The following TBX5 variants were observed in gnomAD, a reference collection of about 807,000 sequenced individuals.
TBX5 encodes T-box transcription factor TBX5.
A neutral mutation model predicts 51.1 loss-of-function variants in TBX5; 8 were observed. The ratio of observed to expected loss-of-function variants is 0.16; its 90% CI spans 0.09 to 0.28. The LOEUF (loss-of-function observed/expected upper bound fraction) is 0.28. TBX5 is among the 10% of genes least tolerant of loss of function. TBX5 has a pLI of 1.00. For synonymous variants in TBX5, 302 were observed against 266.4 expected (o/e 1.13, Z -1.30); for missense variants, 589 against 671.7 (o/e 0.88, Z 1.36).
chr12:114,405,618 G>C lies in TBX5; in HGVS notation c.-39+10C>G, dbSNP rs1165431383. The C allele has an allele frequency of 1.2e-6, 1 of 865,628 alleles. No homozygotes were observed. Among genetic ancestry groups the C allele is most frequent in the Admixed American group, 6.2e-5 (1 of 16,112 alleles). 53.6% of individuals were successfully genotyped at this position (865,628 alleles called of 1,614,324 possible). On this transcript the variant is annotated intron_variant, in intron 1 of 8. Transcript: ENST00000405440. ...CCTGAGCCTCCCGGGCCATCTGCCG[G>C]GACGGTTACCTCGTTCGGTGAAGCC...
chr12:114,362,802 A>T (rs1241274594), intron 8 of TBX5, among the ~76,000 whole-genome samples: 1 of 152,016 alleles, frequency 6.6e-6, no homozygotes, highest in Non-Finnish European at 1.5e-5. Flanking sequence ...GTTGGCTAGG[A>T]CCACTGGCAT....
At chr12:114,376,992 G>A (rs1391291383) in intron 7 of TBX5, among the ~76,000 whole-genome samples, 1 of 152,062 alleles carries the variant, frequency 6.6e-6, no homozygotes, top group East Asian at 1.9e-4. Flanking sequence ...CATGACCCAA[G>A]ATGAGATCCT....
At chr12:114,359,268 T>C (rs914705211) in intron 8 of TBX5, among the ~76,000 whole-genome samples, 5 of 152,188 alleles carry the variant, frequency 3.3e-5, no homozygotes, top group Non-Finnish European at 7.3e-5. Flanking sequence ...CATCACATTG[T>C]AAAGAAATTC....
chr12:114,405,453 C>T (rs917461100), intron 1 of TBX5, among the ~76,000 whole-genome samples, 175 bp downstream of exon 1: 21 of 152,178 alleles, frequency 1.4e-4, no homozygotes, highest in African/African-American at 5.1e-4. Flanking sequence ...GCTCCGCCAG[C>T]CGCGGCGGCC....
intron 7 of TBX5, among the ~76,000 whole-genome samples, chr12:114,380,244 C>T (rs1870430916): frequency 6.6e-6 from 1 of 152,154 alleles, no homozygotes; most frequent in Non-Finnish European, 1.5e-5. Flanking sequence ...AAGACTGAAG[C>T]AAAGTCCAAA....
chr12:114,401,689 C>G, intron 3 of TBX5, 137 bp downstream of exon 3: 3 of 770,384 alleles, frequency 3.9e-6, no homozygotes, highest in Non-Finnish European at 4.5e-6. Context: ...CTCTCCTCTC[C>G]TCTCCTTTCT....
At chr12:114,358,347 T>C (rs1012534058) in intron 8 of TBX5, among the ~76,000 whole-genome samples, 5 of 152,214 alleles carry the variant, frequency 3.3e-5, no homozygotes, top group Non-Finnish European at 7.3e-5. Context: ...ACTCTGTGAC[T>C]GAGAGGTGGT....
At position 114,354,728 on chromosome 12, in the gene TBX5, A is replaced by C. The variant is rs1868775593; in HGVS notation, c.*804T>G. On this transcript the variant is annotated 3_prime_UTR_variant, in exon 9 of 9. Coordinates refer to ENST00000405440, the MANE Select transcript of TBX5 (RefSeq NM_181486.4). ...TTCAAAGCAAGCTTTCCGGAAGGGA[A>C]GCTATAGGCCACGTTTTAGCGACAG... The C allele has an allele frequency of 6.5e-6, 1 of 152,714 alleles. No individual in the cohort carries two copies. Among genetic ancestry groups the C allele is most frequent in the African/African-American group, 2.4e-5 (1 of 41,414 alleles). 9.5% of individuals were successfully genotyped at this position (152,714 alleles called of 1,614,324 possible).
At chr12:114,361,100 T>C (rs1869216411) in intron 8 of TBX5, among the ~76,000 whole-genome samples, 1 of 152,114 alleles carries the variant, frequency 6.6e-6, no homozygotes, top group African/African-American at 2.4e-5. Context: ...TAAAGATTAA[T>C]CTGATGCATC....
upstream of TBX5, among the ~76,000 whole-genome samples, chr12:114,406,382 A>T (rs1872225234): frequency 6.6e-6 from 1 of 152,054 alleles, no homozygotes. Flanking sequence ...ACTCCTGCAC[A>T]AATCATTTCA....
chr12:114,356,052 G>A lies in TBX5; in HGVS notation c.1037C>T (p.Ser346Leu). 1 of 1,614,004 alleles carries A rather than the reference G, an allele frequency of 6.2e-7. No individual in the cohort carries two copies. Among genetic ancestry groups the A allele is most frequent in the East Asian group, 2.2e-5 (1 of 44,874 alleles). The part of the protein sequence containing the change: ...HPYKKPYMET[S>L]PSEEDSFYRS... ...GTAGAAGGAATCTTCTTCACTGGGTGATGTCTCCATGTAGGGCTTCTTATA... is the reference window on the plus strand; with the variant it reads ...GTAGAAGGAATCTTCTTCACTGGGTAATGTCTCCATGTAGGGCTTCTTATA... The change falls in exon 9 of 9, where the codon TCA becomes TTA. Residue 346 changes from serine to leucine, a missense_variant. By Grantham distance (145) the Ser-to-Leu change is moderately radical (BLOSUM62 -2). Coordinates refer to ENST00000405440, the MANE Select transcript of TBX5 (RefSeq NM_181486.4).
At chr12:114,363,430 A>T (rs1368268265) in intron 8 of TBX5, among the ~76,000 whole-genome samples, 1 of 152,212 alleles carries the variant, frequency 6.6e-6, no homozygotes, top group Admixed American at 6.5e-5. Context: ...ATTTATAAGG[A>T]TGCTGCTGTA....
At chr12:114,364,613 G>A (rs1252647389) in intron 8 of TBX5, among the ~76,000 whole-genome samples, 2 of 152,110 alleles carry the variant, frequency 1.3e-5, no homozygotes, top group Non-Finnish European at 2.9e-5. Flanking sequence ...GTCTTCTCAA[G>A]CTCTCACCTA....
chr12:114,406,305 CCTCCTCT>C (rs1189540921), upstream of TBX5, among the ~76,000 whole-genome samples: 1 of 150,632 alleles, frequency 6.6e-6, no homozygotes, highest in Non-Finnish European at 1.5e-5. Flanking sequence ...GCAATAACTC[CCTCCTCT>C]CTACCCCTTT....
chr12:114,359,288 G>T (rs10507248), intron 8 of TBX5, among the ~76,000 whole-genome samples: 99,697 of 151,962 alleles, frequency 0.66, 33,342 homozygotes, highest in Non-Finnish European at 0.74. Context: ...CCAACTCAAG[G>T]ATCCAAATTT....
chr12:114,369,005 A>AAAAAAAAG (rs1227316038), intron 7 of TBX5, among the ~76,000 whole-genome samples: 3 of 152,196 alleles, frequency 2.0e-5, no homozygotes, highest in African/African-American at 7.2e-5. Context: ...CGTAATGGAA[A>AAAAAAAAG]AAAAAAAGAA....
chr12:114,404,440 A>C (rs1258982603), intron 1 of TBX5, among the ~76,000 whole-genome samples: 1 of 152,004 alleles, frequency 6.6e-6, no homozygotes, highest in Non-Finnish European at 1.5e-5. Context: ...TTTCTGCAGC[A>C]GGCAGAAATG....
chr12:114,373,872 T>C (rs1003194588), intron 7 of TBX5, among the ~76,000 whole-genome samples: 1 of 152,276 alleles, frequency 6.6e-6, no homozygotes, highest in African/African-American at 2.4e-5. Flanking sequence ...CCAGCTTAAC[T>C]ATGACTTAGG....
rs746726123 is a variant in TBX5, at chr12:114,355,636, G to A, written c.1453C>T (p.Pro485Ser). Residue 485 changes from proline to serine, a missense_variant, in exon 9 of 9, where the codon CCT becomes TCT. By Grantham distance (74) the Pro-to-Ser change is moderately conservative. This residue lies in a region of TBX5 where 348 missense variants were observed against 360.4 expected (regional missense o/e 0.97). Transcript: ENST00000405440. The stretch of plus-strand genomic sequence containing the variant: ...ACGCCATGAGAGTAGAGGAACTCAG[G>A]GGGCTGAAGGGTGCCAGGGGACTGC... ...GLQSPGTLQP[P>S]EFLYSHGVPR... 6 of 1,614,190 alleles carry A rather than the reference G, an allele frequency of 3.7e-6. No individual in the cohort carries two copies. Among genetic ancestry groups the A allele is most frequent in the African/African-American group, 1.3e-5 (1 of 75,062 alleles).
Sources: gnomAD v4.1 joint callset for allele counts (sites outside exome capture counted in the v4.1 genomes callset) on GRCh38, gnomAD v4.1.1 for gene constraint, gnomAD v4.1.1 regional missense constraint, MANE v1.5 for transcripts, NCBI Gene and HGNC (gene_info 2026-07-23, HGNC 2026-07-21) for gene names.